Variants in CANT1 observed in about 807,000 individuals in gnomAD.
The protein encoded by CANT1 is soluble calcium-activated nucleotidase 1.
A neutral mutation model predicts 30.0 loss-of-function variants in CANT1; 26 were observed. The observed-to-expected ratio is 0.87, with a 90% CI of 0.64 to 1.20. CANT1 has a LOEUF of 1.20. Among genes scored for constraint, CANT1 ranks in the 50% most tolerant of loss-of-function variants. The pLI is 0.00. For missense variants in CANT1, 518 were observed against 563.0 expected (o/e 0.92, Z 0.81); for synonymous variants, 246 against 251.8 (o/e 0.98, Z 0.22).
In CANT1 at chr17:79,008,674, GC is replaced by G. The variant is rs1376533539; in HGVS notation, c.-147+989del. 6.6e-6 allele frequency among the ~76,000 whole-genome samples: 1 copy of G among 152,166 alleles called. No homozygotes were observed. The highest frequency in any genetic ancestry group is 1.5e-5 in the Non-Finnish European group (1 of 68,032). ...GGAAGAGTGGTCACAGGTGCTCTGT[GC>G]CAAGCCTAGGGTACACAGAGGGCAA... On this transcript the variant is annotated intron_variant, in intron 1 of 4. Transcript: ENST00000392446. This position sits in a 1 kb window ranked among gnomAD's most constrained non-coding sequence, Gnocchi z 4.4.
At chr17:79,005,969 C>G (rs748106832) in intron 1 of CANT1, 1 of 152,340 alleles carries the variant, frequency 6.6e-6, no homozygotes, top group Non-Finnish European at 1.5e-5. Flanking sequence ...GCAAATTCCA[C>G]GGCAAATCTC....
rs1412034935 is a variant in CANT1 at position 79,002,075 on chromosome 17, T to C, written c.-146-4112A>G. Among the ~76,000 whole-genome samples the C allele has an allele frequency of 6.6e-6, 1 of 152,090 alleles. No individual in the cohort carries two copies. Among genetic ancestry groups the C allele is most frequent in the African/African-American group, 2.4e-5 (1 of 41,406 alleles). ...ACCCTGATGACTCTCAGAGTCTTGG[T>C]CTAATGATCTAGACCAAGCTTGTCC... On this transcript the variant is annotated intron_variant, in intron 1 of 4. Coordinates refer to ENST00000392446, the MANE Select transcript of CANT1 (RefSeq NM_001159773.2). This position sits in a 1 kb window ranked among gnomAD's most constrained non-coding sequence, Gnocchi z 4.0.
In CANT1 at chr17:78,995,218, A is replaced by G; in HGVS notation, c.635T>C (p.Phe212Ser). ...SDGDGTVEKG[F>S]KAEWLAVKDE... ...CTTCACTGCCAGCCATTCGGCCTTG[A>G]AGCCTGGCCAAGCAGAGTGTCCTTA... The change falls in exon 4 of 5, where the codon TTC becomes TCC. Residue 212 changes from phenylalanine to serine, a missense_variant. This residue lies in a region of CANT1 where 48 missense variants were observed against 82.5 expected (regional missense o/e 0.58). Transcript: ENST00000392446. This position sits in a 1 kb window ranked among gnomAD's most constrained non-coding sequence, Gnocchi z 5.7. The G allele has an allele frequency of 6.2e-7, 1 of 1,612,804 alleles. No homozygotes were observed. The highest frequency in any genetic ancestry group is 1.3e-5 in the African/African-American group (1 of 74,760).
In CANT1 at chr17:79,002,516, T is replaced by C. The variant is rs1029897779; in HGVS notation, c.-146-4553A>G. 2.6e-5 allele frequency among the ~76,000 whole-genome samples: 4 copies of C among 152,100 alleles called. No individual in the cohort carries two copies. The highest frequency in any genetic ancestry group is 9.7e-5 in the African/African-American group (4 of 41,414). On this transcript the variant is annotated intron_variant, in intron 1 of 4. Coordinates refer to ENST00000392446, the MANE Select transcript of CANT1 (RefSeq NM_001159773.2). The surrounding 1 kb of genome is among the most constrained non-coding windows in gnomAD (Gnocchi z 4.0). ...TGGTGTGTAGACTCTGCCTGGTGTG[T>C]AGACGCGGCCTGCGTAGACGCGGCC...
In CANT1 at chr17:78,993,795, G is replaced by A. The variant is rs2070922271; in HGVS notation, c.961C>T (p.Leu321=). 6.2e-7 allele frequency: 1 copy of A among 1,611,216 alleles called. No individual in the cohort carries two copies. Among genetic ancestry groups the A allele is most frequent in the African/African-American group, 1.3e-5 (1 of 74,956 alleles). ...TCGCCGAAGTCAGGGGAGGCGCTCA[G>A]CAGCAGGTTGGCGCCCTTGCGCTCG... ...DDERKGANLL[L]SASPDFGDIA... is the part of the protein sequence containing the mutation. The change falls in exon 5 of 5, where the codon CTG becomes TTG. Residue 321 remains leucine (L), a synonymous_variant. Coordinates refer to ENST00000392446, the MANE Select transcript of CANT1 (RefSeq NM_001159773.2). The surrounding 1 kb of genome is among the most constrained non-coding windows in gnomAD (Gnocchi z 4.5).
In CANT1 at chr17:78,992,347, G is replaced by C. The variant is rs568540629; in HGVS notation, c.*1203C>G. ...TGAGGGTGGGGGTCGGGGTGAGGTAGTGCTGTGGGGAGGGCACTGTGAATG... is the reference window on the plus strand; with the variant it reads ...TGAGGGTGGGGGTCGGGGTGAGGTACTGCTGTGGGGAGGGCACTGTGAATG... On this transcript the variant is annotated 3_prime_UTR_variant, in exon 5 of 5. Transcript: ENST00000392446. 3.8e-6 allele frequency: 1 copy of C among 260,144 alleles called. No individual in the cohort carries two copies. The highest frequency in any genetic ancestry group is 5.7e-5 in the East Asian group (1 of 17,584). 16.1% of individuals were successfully genotyped at this position (260,144 alleles called of 1,614,324 possible). A position where few individuals can be genotyped will look rare whatever the true frequency, so the allele number is the denominator to read the frequency against.
At chr17:78,999,642 A>AT (rs35755919) in intron 1 of CANT1, among the ~76,000 whole-genome samples, 1,707 of 97,324 alleles carry the variant, frequency 0.018, 100 homozygotes, top group African/African-American at 0.031. Flanking sequence ...CGCACAGCGA[A>AT]TTTTTTTTTT....
In CANT1 at chr17:78,993,578, A is replaced by C. The variant is rs1324846602; in HGVS notation, c.1178T>G (p.Val393Gly). The C allele has an allele frequency of 5.6e-6, 9 of 1,614,008 alleles. No homozygotes were observed. Among genetic ancestry groups the C allele is most frequent in the African/African-American group, 2.7e-5 (2 of 74,918 alleles). The change falls in exon 5 of 5, where the codon GTG becomes GGG. Residue 393 changes from valine (V) to glycine (G), a missense_variant. Physicochemically the swap from Val to Gly is moderately radical, Grantham distance 109. Transcript: ENST00000392446. This position sits in a 1 kb window ranked among gnomAD's most constrained non-coding sequence, Gnocchi z 4.5. ...FLLPETKIGS[V>G]KYEGIEFI ...AATGAACTCGATGCCTTCGTATTTC[A>C]CGCTTCCGATCTTGGTCTCCGGCAA...
Position 78,997,561 on chromosome 17 carries a change from C to T in CANT1, c.62G>A (p.Ser21Asn). 1.3e-6 allele frequency: 2 copies of T among 1,564,266 alleles called. No homozygotes were observed. The highest frequency in any genetic ancestry group is 1.7e-6 in the Non-Finnish European group (2 of 1,154,744). The change falls in exon 3 of 5, where the codon AGT becomes AAT. Residue 21 changes from serine to asparagine, a missense_variant. Ser to Asn is a conservative substitution (Grantham distance 46). Transcript: ENST00000392446. The surrounding 1 kb of genome is among the most constrained non-coding windows in gnomAD (Gnocchi z 7.5). ...CGCCAGCACAGGAAGGCCCCCCACACTGATCCGGAGGGAGTGCATAGACTC... is the reference window on the plus strand; with the variant it reads ...CGCCAGCACAGGAAGGCCCCCCACATTGATCCGGAGGGAGTGCATAGACTC... Reference protein sequence around the residue: ...WNESMHSLRISVGGLPVLASM... With the variant: ...WNESMHSLRINVGGLPVLASM...
At chr17:79,005,826 A>C (rs2377009) in intron 1 of CANT1, 2 of 152,106 alleles carry the variant, frequency 1.3e-5, no homozygotes, top group East Asian at 1.9e-4. Context: ...TCACACACTC[A>C]TGCTAACAGC....
chr17:79,001,951 G>A (rs913281111), intron 1 of CANT1, among the ~76,000 whole-genome samples: 15 of 152,010 alleles, frequency 9.9e-5, no homozygotes, highest in African/African-American at 2.9e-4. Flanking sequence ...GAAGCAATTC[G>A]TCCTAACCCT....
rs557201601 is a variant in CANT1, at chr17:79,001,867, C to T, written c.-146-3904G>A. 7.9e-5 allele frequency among the ~76,000 whole-genome samples: 12 copies of T among 152,280 alleles called. No individual in the cohort carries two copies. The South Asian group carries it at 2.5e-3, about 32-fold the overall frequency. On this transcript the variant is annotated intron_variant, in intron 1 of 4. Coordinates refer to ENST00000392446, the MANE Select transcript of CANT1 (RefSeq NM_001159773.2). ...TCTCTGAGCCTCCTCATCCGATACCCACAGGCACCGCAAACCAGGTCCTCC... is the reference window on the plus strand; with the variant it reads ...TCTCTGAGCCTCCTCATCCGATACCTACAGGCACCGCAAACCAGGTCCTCC...
Position 78,993,408 on chromosome 17 carries a change from T to C in CANT1, c.*142A>G, listed in dbSNP as rs2070901420. 1.6e-6 allele frequency: 2 copies of C among 1,288,352 alleles called. No individual in the cohort carries two copies. The highest frequency in any genetic ancestry group is 2.2e-6 in the Non-Finnish European group (2 of 918,276). 79.8% of individuals were successfully genotyped at this position (1,288,352 alleles called of 1,614,324 possible). On this transcript the variant is annotated 3_prime_UTR_variant, in exon 5 of 5. Coordinates refer to ENST00000392446, the MANE Select transcript of CANT1 (RefSeq NM_001159773.2). The surrounding 1 kb of genome is among the most constrained non-coding windows in gnomAD (Gnocchi z 4.5). Reference sequence around the variant, plus strand: ...CCCGGGGGTCCAGTGCCCGCACCACTATGGGGCCCGGGACTGGGCTCCCTG... The same window carrying C: ...CCCGGGGGTCCAGTGCCCGCACCACCATGGGGCCCGGGACTGGGCTCCCTG...
At position 78,996,747 on chromosome 17, in the gene CANT1, G is replaced by A. The variant is rs371009019; in HGVS notation, c.631+245C>T. Among the ~76,000 whole-genome samples, 20 of 152,142 alleles carry A rather than the reference G, an allele frequency of 1.3e-4. No individual in the cohort carries two copies. The highest frequency in any genetic ancestry group is 2.9e-4 in the African/African-American group (12 of 41,414). The stretch of plus-strand genomic sequence containing the variant: ...AAAACATCTTGGAGAGATTCCCCAC[G>A]TCTCCCACAGGCCTCTAGCGATAAG... On this transcript the variant is annotated intron_variant, in intron 3 of 4. Coordinates refer to ENST00000392446, the MANE Select transcript of CANT1 (RefSeq NM_001159773.2). This position sits in a 1 kb window ranked among gnomAD's most constrained non-coding sequence, Gnocchi z 5.1.
chr17:79,002,994 C>T lies in CANT1; in HGVS notation c.-146-5031G>A, dbSNP rs2071320350. 6.6e-6 allele frequency among the ~76,000 whole-genome samples: 1 copy of T among 151,022 alleles called. No individual in the cohort carries two copies. Among genetic ancestry groups the T allele is most frequent in the South Asian group, 2.2e-4 (1 of 4,578 alleles). The stretch of plus-strand genomic sequence containing the variant: ...CACATGGAACCAGAGGTGTCTGAGT[C>T]CCGGCGTCTCTGCCCCTCTGGGGAA... On this transcript the variant is annotated intron_variant, in intron 1 of 4. Coordinates refer to ENST00000392446, the MANE Select transcript of CANT1 (RefSeq NM_001159773.2). This position sits in a 1 kb window ranked among gnomAD's most constrained non-coding sequence, Gnocchi z 4.0.
chr17:78,999,002 T>C (rs548605431), intron 1 of CANT1, among the ~76,000 whole-genome samples: 7 of 152,158 alleles, frequency 4.6e-5, no homozygotes, highest in Non-Finnish European at 1.0e-4. Context: ...GAGGCCCTGG[T>C]GCACGGCAGC....
rs1230736380 is a variant in CANT1, at chr17:79,001,929, G to A, written c.-146-3966C>T. ...CTGTCCTGGCAGTGCCGGCCCTCAG[G>A]AGCCATCCCAGGAAGCAATTCGTCC... On this transcript the variant is annotated intron_variant, in intron 1 of 4. Coordinates refer to ENST00000392446, the MANE Select transcript of CANT1 (RefSeq NM_001159773.2). Among the ~76,000 whole-genome samples, 3 of 151,982 alleles carry A rather than the reference G, an allele frequency of 2.0e-5. No individual in the cohort carries two copies. In the South Asian group the frequency reaches 6.2e-4, roughly 32 times the overall value.
chr17:78,997,093 A>G lies in CANT1; in HGVS notation c.530T>C (p.Leu177Pro). Residue 177 changes from leucine (L) to proline (P), a missense_variant, in exon 3 of 5, where the codon CTC (leucine) becomes CCC (proline). Coordinates refer to ENST00000392446, the MANE Select transcript of CANT1 (RefSeq NM_001159773.2). The surrounding 1 kb of genome is among the most constrained non-coding windows in gnomAD (Gnocchi z 7.5). ...LSDLIVFNGKLYSVDDRTGVV... is the reference protein window; with the variant it reads ...LSDLIVFNGKPYSVDDRTGVV... ...CCCCGTCCGGTCATCCACGGAGTAGAGTTTCCCATTGAAAACAATCAGGTC... is the reference window on the plus strand; with the variant it reads ...CCCCGTCCGGTCATCCACGGAGTAGGGTTTCCCATTGAAAACAATCAGGTC... 2 of 1,614,226 alleles carry G rather than the reference A, an allele frequency of 1.2e-6. No individual in the cohort carries two copies. The highest frequency in any genetic ancestry group is 1.7e-6 in the Non-Finnish European group (2 of 1,180,036).
rs2070856437 is a variant in CANT1 at position 78,991,992 on chromosome 17, C to T, written c.*1558G>A. ...TCTATTTTAAATGACCCAGCCTGGA[C>T]ATCAAGGACAATGATCTAGGAGGCG... On this transcript the variant is annotated 3_prime_UTR_variant, in exon 5 of 5. Transcript: ENST00000392446. 1.3e-5 allele frequency: 3 copies of T among 231,546 alleles called. No homozygotes were observed. The highest frequency in any genetic ancestry group is 2.6e-5 in the Non-Finnish European group (3 of 117,062). The allele number at this position is 231,546 out of a possible 1,614,324, so 14.3% of individuals were successfully genotyped here. A position where few individuals can be genotyped will look rare whatever the true frequency, so the allele number is the denominator to read the frequency against.
Sources: allele counts gnomAD v4.1 joint callset (sites outside exome capture counted in the v4.1 genomes callset), GRCh38; gene constraint gnomAD v4.1.1; regional missense constraint gnomAD v4.1.1; non-coding constraint Gnocchi (gnomAD v3.1); transcripts MANE v1.5; gene names NCBI Gene and HGNC (gene_info 2026-07-23, HGNC 2026-07-21).